SLC25A6: variants seen among roughly 807,000 people sequenced by gnomAD.
SLC25A6 encodes solute carrier family 25 member 6.
A neutral mutation model predicts 25.7 loss-of-function variants in SLC25A6; 9 were observed. The ratio of observed to expected loss-of-function variants is 0.35; its 90% confidence interval spans 0.21 to 0.61. SLC25A6 has a LOEUF of 0.61. Ranked by LOEUF, SLC25A6 falls within the 20% of genes least tolerant of loss-of-function variation. The probability of loss-of-function intolerance (pLI) is 0.76; values close to 1 mark genes in which losing one functional copy is unlikely to be tolerated. For missense variants in SLC25A6, 404 were observed against 440.5 expected (o/e 0.92, Z 0.74); for synonymous variants, 223 against 197.0 (o/e 1.13, Z -1.11).
Position 1,387,354 on chromosome X carries a change from C to CCGTCACGGT in SLC25A6, c.655_663dup (p.Thr219_Thr221dup). 6.2e-7 allele frequency: 1 copy of CCGTCACGGT among 1,613,348 alleles called. No homozygotes were observed. The highest frequency in any genetic ancestry group is 8.5e-7 in the Non-Finnish European group (1 of 1,179,774). On this transcript the variant is annotated inframe_insertion, in exon 3 of 4. Coordinates refer to ENST00000381401, the MANE Select transcript of SLC25A6 (RefSeq NM_001636.4). The stretch of plus-strand genomic sequence containing the variant: ...GGGTAGGACACCACGCCGGCCACGG[C>CCGTCACGGT]CGTCACGGTCTGCGCGATCATCCAG...
chrX:1,391,908 C>T lies in SLC25A6; in HGVS notation c.102G>A (p.Leu34=). The T allele has an allele frequency of 6.2e-7, 1 of 1,604,974 alleles. No homozygotes were observed. Residue 34 remains leucine (L), a synonymous_variant, in exon 1 of 4, where the codon CTG becomes CTA. Transcript: ENST00000381401. ...TAVAPIERVK[L]LLQVQHASKQ... is the part of the protein sequence containing the mutation. Reference sequence around the variant, plus strand: ...GCGCCCGCGTCCCCACCTGCAGCAGCAGCTTGACCCGCTCGATCGGAGCCA... The same window carrying T: ...GCGCCCGCGTCCCCACCTGCAGCAGTAGCTTGACCCGCTCGATCGGAGCCA...
Position 1,386,582 on chromosome X carries a change from T to G in SLC25A6, c.*20A>C. The G allele has an allele frequency of 6.5e-7, 1 of 1,535,436 alleles. No individual in the cohort carries two copies. The highest frequency in any genetic ancestry group is 8.7e-7 in the Non-Finnish European group (1 of 1,144,864). On this transcript the variant is annotated 3_prime_UTR_variant, in exon 4 of 4. Transcript: ENST00000381401. ...TTGGTTCCCCTGGTGTGTGTGTGTGTGTGGAGGAGGCCGCGGCCCTTAGAT... is the reference window on the plus strand; with the variant it reads ...TTGGTTCCCCTGGTGTGTGTGTGTGGGTGGAGGAGGCCGCGGCCCTTAGAT...
rs1141628 is a variant in SLC25A6 at position 1,386,605 on chromosome X, G to T, written c.894C>A (p.Ile298=). ...TGTGTGGAGGAGGCCGCGGCCCTTA[G>T]ATCACCTTCTTGAGCTCGTCGTACA... The part of the protein sequence containing the change: ...LVLYDELKKV[I] Residue 298 remains isoleucine, a synonymous_variant, in exon 4 of 4, where the codon ATC becomes ATA. Coordinates refer to ENST00000381401, the MANE Select transcript of SLC25A6 (RefSeq NM_001636.4). 1 of 1,561,248 alleles carries T rather than the reference G, an allele frequency of 6.4e-7. No homozygotes were observed. The highest frequency in any genetic ancestry group is 8.6e-7 in the Non-Finnish European group (1 of 1,157,060).
In SLC25A6 at chrX:1,387,994, T is replaced by A. The variant is rs142786979; in HGVS notation, c.599-575A>T. Among the ~76,000 whole-genome samples the A allele has an allele frequency of 3.6e-3, 478 of 132,682 alleles. 3 individuals are homozygous for A. Among genetic ancestry groups the A allele is most frequent in the African/African-American group, 0.012 (422 of 34,814 alleles). 87.0% of individuals were successfully genotyped at this position (132,682 alleles called of 152,430 possible). A position where few individuals can be genotyped will look rare whatever the true frequency, so the allele number is the denominator to read the frequency against. ...CTCAGAAGGAACCAGCCCTGCCCAC[T>A]CCTTGATGTCAGACTTCCAGCCTCC... On this transcript the variant is annotated intron_variant, in intron 2 of 3. Coordinates refer to ENST00000381401, the MANE Select transcript of SLC25A6 (RefSeq NM_001636.4).
chrX:1,391,850 C>T, intron 1 of SLC25A6, 49 bp downstream of exon 1: 1 of 1,460,624 alleles, frequency 6.8e-7, no homozygotes, highest in Admixed American at 2.0e-5. Flanking sequence ...GACCCGGCCA[C>T]TCGGTTCCCG....
In SLC25A6 at chrX:1,386,620, C is replaced by T. The variant is rs1429365076; in HGVS notation, c.879G>A (p.Glu293=). Residue 293 remains glutamate (E), a synonymous_variant, in exon 4 of 4, where the codon GAG becomes GAA. Transcript: ENST00000381401. ...GGAFVLVLYD[E]LKKVI Reference sequence around the variant, plus strand: ...GCGGCCCTTAGATCACCTTCTTGAGCTCGTCGTACAGGACCAGCACGAAGG... The same window carrying T: ...GCGGCCCTTAGATCACCTTCTTGAGTTCGTCGTACAGGACCAGCACGAAGG... The T allele has an allele frequency of 1.9e-6, 3 of 1,583,836 alleles. No homozygotes were observed. Among genetic ancestry groups the T allele is most frequent in the Non-Finnish European group, 2.6e-6 (3 of 1,166,096 alleles).
At chrX:1,388,177 G>A (rs1369598430) in intron 2 of SLC25A6, among the ~76,000 whole-genome samples, 6 of 151,800 alleles carry the variant, frequency 4.0e-5, no homozygotes, top group African/African-American at 1.2e-4. Context: ...GGAGAAGACG[G>A]CGTCTACAAG....
chrX:1,390,175 C>T (rs1304978850), intron 1 of SLC25A6: 2 of 194,818 alleles, frequency 1.0e-5, no homozygotes, highest in Admixed American at 5.3e-5. Flanking sequence ...TCAAGCTCCA[C>T]TAAGTTGAAA....
At position 1,386,466 on chromosome X, in the gene SLC25A6, C is replaced by A; in HGVS notation, c.*136G>T. On this transcript the variant is annotated 3_prime_UTR_variant, in exon 4 of 4. Transcript: ENST00000381401. ...GCCCCTTTTCTAGAGCCTTCCCCGGCCATCTACAGGCAGGATGCGGCTGGG... is the reference window on the plus strand; with the variant it reads ...GCCCCTTTTCTAGAGCCTTCCCCGGACATCTACAGGCAGGATGCGGCTGGG... 8.5e-7 allele frequency: 1 copy of A among 1,179,652 alleles called. No homozygotes were observed. The highest frequency in any genetic ancestry group is 3.0e-5 in the Admixed American group (1 of 32,994). The allele number at this position is 1,179,652 out of a possible 1,614,324, so 73.1% of individuals were successfully genotyped here.
chrX:1,386,827 CCA>C, intron 3 of SLC25A6, 68 bp from the exon 4 acceptor site: 10 of 1,526,644 alleles, frequency 6.6e-6, no homozygotes, highest in Non-Finnish European at 8.8e-6. Context: ...CCACCTGCAC[CCA>C]CAAAGACGTT....
intron 3 of SLC25A6, among the ~76,000 whole-genome samples, 161 bp from the exon 4 acceptor site, chrX:1,386,920 T>A (rs2089333002): frequency 1.3e-5 from 2 of 151,896 alleles, no homozygotes; most frequent in African/African-American, 4.8e-5. Flanking sequence ...GCTCAAGCCC[T>A]CCTCCTAAGC....
rs1295225111 is a variant in SLC25A6 at position 1,387,306 on chromosome X, T to G, written c.712A>C (p.Met238Leu). The stretch of plus-strand genomic sequence containing the variant: ...CCTTTGCGCCCGGACTGCATCATCA[T>G]GCGCCGCCGCACCGTGTCGAAGGGG... The part of the protein sequence containing the change: ...SYPFDTVRRR[M>L]MMQSGRKGAD... The change falls in exon 3 of 4, where the codon ATG (methionine) becomes CTG (leucine). Residue 238 changes from methionine to leucine, a missense_variant. Met to Leu is a conservative substitution (Grantham distance 15, BLOSUM62 2). Transcript: ENST00000381401. 1.2e-6 allele frequency: 2 copies of G among 1,612,822 alleles called. No homozygotes were observed. Among genetic ancestry groups the G allele is most frequent in the African/African-American group, 2.7e-5 (2 of 74,888 alleles).
chrX:1,387,045 G>C (rs768991250), intron 3 of SLC25A6, among the ~76,000 whole-genome samples: 2 of 152,152 alleles, frequency 1.3e-5, no homozygotes, highest in African/African-American at 4.8e-5. Context: ...TGCAACCAGA[G>C]GTTCTAGGAG....
intron 2 of SLC25A6, among the ~76,000 whole-genome samples, chrX:1,388,346 C>A (rs2089355190): frequency 6.9e-6 from 1 of 143,958 alleles, no homozygotes; most frequent in Admixed American, 7.1e-5. Flanking sequence ...GACATCTCAT[C>A]AGAAGAGGAC....
chrX:1,391,559 G>A (rs1228956408), intron 1 of SLC25A6, among the ~76,000 whole-genome samples: 4 of 152,252 alleles, frequency 2.6e-5, no homozygotes, highest in Non-Finnish European at 5.9e-5. Flanking sequence ...TCCACCGGAA[G>A]GGTTGGTCCC....
In SLC25A6 at chrX:1,389,478, C is replaced by T. The variant is rs779643867; in HGVS notation, c.361G>A (p.Gly121Ser). ...RYFAGNLASGGAAGATSLCFV... is the reference protein window; with the variant it reads ...RYFAGNLASGSAAGATSLCFV... ...CAGAGGGAGGTCGCGCCGGCCGCAC[C>T]GCCGGAGGCCAGGTTGCCCGCAAAG... The change falls in exon 2 of 4, where the codon GGT (glycine) becomes AGT (serine). Residue 121 changes from glycine to serine, a missense_variant. Transcript: ENST00000381401. 5.6e-6 allele frequency: 9 copies of T among 1,613,926 alleles called. No homozygotes were observed. The highest frequency in any genetic ancestry group is 4.5e-5 in the East Asian group (2 of 44,890).
chrX:1,391,095 G>C (rs1406410165), intron 1 of SLC25A6, among the ~76,000 whole-genome samples: 3 of 152,126 alleles, frequency 2.0e-5, no homozygotes, highest in Admixed American at 1.3e-4. Flanking sequence ...ATCCTCTCCG[G>C]GCCTCTCAAT....
At chrX:1,391,698 T>A (rs1434792572) in intron 1 of SLC25A6, among the ~76,000 whole-genome samples, 1 of 152,200 alleles carries the variant, frequency 6.6e-6, no homozygotes, top group Non-Finnish European at 1.5e-5. Context: ...CCGGGCCCAG[T>A]GCGCACGCGT....
At position 1,386,529 on chromosome X, in the gene SLC25A6, G is replaced by C; in HGVS notation, c.*73C>G. On this transcript the variant is annotated 3_prime_UTR_variant, in exon 4 of 4. Coordinates refer to ENST00000381401, the MANE Select transcript of SLC25A6 (RefSeq NM_001636.4). ...GGAATTTCTCGAAGGTTGATGGTCC[G>C]CACGGTTGAGGATTCTACGTGGTTC... The C allele has an allele frequency of 7.2e-7, 1 of 1,388,842 alleles. No individual in the cohort carries two copies. The highest frequency in any genetic ancestry group is 1.5e-5 in the African/African-American group (1 of 66,878). The allele number at this position is 1,388,842 out of a possible 1,614,324, so 86.0% of individuals were successfully genotyped here. A position where few individuals can be genotyped will look rare whatever the true frequency, so the allele number is the denominator to read the frequency against.
Sources: allele counts gnomAD v4.1 joint callset (sites outside exome capture counted in the v4.1 genomes callset), GRCh38; gene constraint gnomAD v4.1.1; transcripts MANE v1.5; gene names NCBI Gene and HGNC (gene_info 2026-07-23, HGNC 2026-07-21).